The following SLC8A1 variants were observed in gnomAD, a reference collection of about 807,000 sequenced individuals.
SLC8A1 encodes sodium/calcium exchanger 1.
SLC8A1 carries 18 observed loss-of-function variants against 68.3 expected under a neutral mutation model. The observed-to-expected ratio is 0.26, with a 90% CI of 0.18 to 0.39. SLC8A1 has a LOEUF of 0.39. Among genes scored for constraint, SLC8A1 ranks in the 10% least tolerant of loss-of-function variants. SLC8A1 has a pLI of 1.00. For synonymous variants in SLC8A1, 475 were observed against 415.5 expected, an observed-to-expected ratio of 1.14 and a Z score of -1.74; for missense variants, 985 against 1,156.7, an observed-to-expected ratio of 0.85 and a Z score of 2.15.
chr2:40,320,247 A>C (rs1000499707), intron 2 of SLC8A1, among the ~76,000 whole-genome samples: 6 of 152,082 alleles, frequency 3.9e-5, no homozygotes, highest in Admixed American at 3.9e-4. Flanking sequence ...TTCAATACTT[A>C]TTCTTTTTTT....
chr2:40,195,347 T>C (rs559384662), intron 2 of SLC8A1, among the ~76,000 whole-genome samples: 1 of 152,006 alleles, frequency 6.6e-6, no homozygotes, highest in East Asian at 1.9e-4. Context: ...AACAAGCTTA[T>C]TGGGATGCTG....
intron 4 of SLC8A1, among the ~76,000 whole-genome samples, chr2:40,174,431 G>A (rs1573566505): frequency 6.6e-6 from 1 of 152,050 alleles, no homozygotes; most frequent in Non-Finnish European, 1.5e-5. Context: ...GCTCTTTGGA[G>A]CCTCTATCAG....
chr2:40,505,696 C>T (rs751392500), intron 1 of SLC8A1, among the ~76,000 whole-genome samples: 1 of 151,848 alleles, frequency 6.6e-6, no homozygotes, highest in Non-Finnish European at 1.5e-5. Context: ...ACAACAATAA[C>T]AATATTCAGA....
At chr2:40,194,413 A>G (rs1306533594) in intron 2 of SLC8A1, among the ~76,000 whole-genome samples, 1 of 151,760 alleles carries the variant, frequency 6.6e-6, no homozygotes, top group Non-Finnish European at 1.5e-5. Context: ...GGGAAAGGGT[A>G]AAAGGATAAC....
intron 1 of SLC8A1, among the ~76,000 whole-genome samples, chr2:40,457,162 TG>T (rs1207377448): frequency 1.3e-5 from 2 of 152,186 alleles, no homozygotes; most frequent in Non-Finnish European, 2.9e-5. Context: ...TTTTATTAAC[TG>T]GGAACTTTTT....
chr2:40,130,254 G>A (rs987192697), intron 7 of SLC8A1, among the ~76,000 whole-genome samples: 11 of 152,222 alleles, frequency 7.2e-5, no homozygotes, highest in African/African-American at 2.2e-4. Context: ...CTTAGTATAC[G>A]ATAACAGGCA....
At chr2:40,262,437 TC>T (rs1246397477) in intron 2 of SLC8A1, among the ~76,000 whole-genome samples, 1 of 152,164 alleles carries the variant, frequency 6.6e-6, no homozygotes, top group Non-Finnish European at 1.5e-5. Flanking sequence ...CTGAATAAGA[TC>T]AGCTGGTAAA....
intron 2 of SLC8A1, among the ~76,000 whole-genome samples, chr2:40,232,499 G>C (rs1395289302): frequency 6.6e-6 from 1 of 151,720 alleles, no homozygotes; most frequent in African/African-American, 2.4e-5. Context: ...GGGGATTAGG[G>C]GAGGATAGGG....
At chr2:40,115,717 C>A in intron 7 of SLC8A1, 88 bp from the exon 11 acceptor site, 1 of 1,494,076 alleles carries the variant, frequency 6.7e-7, no homozygotes, top group African/African-American at 1.4e-5. Context: ...TACTCTAGGA[C>A]CCAACCCTTA....
At chr2:40,428,567 C>T (rs151189284) in exon 2 of SLC8A1, 159 of 1,613,786 alleles carry the variant, frequency 9.9e-5, no homozygotes, top group Middle Eastern at 1.7e-4. Context: ...TTATATGGAA[C>T]GATAACATTT....
chr2:40,206,679 G>A (rs1315117418), intron 2 of SLC8A1, among the ~76,000 whole-genome samples: 1 of 151,884 alleles, frequency 6.6e-6, no homozygotes, highest in East Asian at 1.9e-4. Context: ...TGAGCTTTAG[G>A]CCTGGGAACA....
chr2:40,194,638 G>A (rs932823061), intron 2 of SLC8A1, among the ~76,000 whole-genome samples: 4 of 152,016 alleles, frequency 2.6e-5, no homozygotes, highest in African/African-American at 9.7e-5. Flanking sequence ...AAAGATTGGA[G>A]GCATTAATAA....
intron 2 of SLC8A1, chr2:40,254,981 C>G (rs2063650408): frequency 6.6e-6 from 1 of 152,014 alleles, no homozygotes; most frequent in African/African-American, 2.4e-5. Flanking sequence ...TCTATCTCGC[C>G]TGTTTCTAAT....
intron 1 of SLC8A1, among the ~76,000 whole-genome samples, chr2:40,497,524 C>T (rs1186226025): frequency 2.0e-5 from 3 of 151,874 alleles, no homozygotes; most frequent in Non-Finnish European, 4.4e-5. Flanking sequence ...GGAGTTGAGC[C>T]TCACAGAAAG....
At chr2:40,181,634 TA>T (rs138349276) in intron 2 of SLC8A1, among the ~76,000 whole-genome samples, 3,163 of 152,274 alleles carry the variant, frequency 0.021, 63 homozygotes, top group African/African-American at 0.051. Flanking sequence ...ACTTGATTAT[TA>T]AAGGACATTT....
chr2:40,461,763 A>G (rs888820087), intron 1 of SLC8A1, among the ~76,000 whole-genome samples: 2 of 152,312 alleles, frequency 1.3e-5, no homozygotes, highest in Non-Finnish European at 2.9e-5. Flanking sequence ...TGTTAAAGGC[A>G]GTCTTATTTG....
chr2:40,449,222 A>G (rs906340763), intron 1 of SLC8A1, among the ~76,000 whole-genome samples: 7 of 151,734 alleles, frequency 4.6e-5, no homozygotes, highest in African/African-American at 7.3e-5. Flanking sequence ...AAATGCACTT[A>G]CTTTGAGACA....
chr2:40,211,979 A>C (rs921661151), intron 2 of SLC8A1, among the ~76,000 whole-genome samples: 1 of 152,238 alleles, frequency 6.6e-6, no homozygotes, highest in African/African-American at 2.4e-5. Flanking sequence ...TTCTATACCT[A>C]ATCCAAATTT....
intron 1 of SLC8A1, among the ~76,000 whole-genome samples, chr2:40,432,113 G>A (rs540335274): frequency 1.3e-5 from 2 of 152,072 alleles, no homozygotes; most frequent in South Asian, 4.2e-4. Flanking sequence ...CTTGAAACAA[G>A]GTGAAATTTA....
Sources: allele counts gnomAD v4.1 joint callset (sites outside exome capture counted in the v4.1 genomes callset), GRCh38; gene constraint gnomAD v4.1.1; transcripts MANE v1.5; gene names NCBI Gene and HGNC (gene_info 2026-07-23, HGNC 2026-07-21).